CTSV: variants seen among roughly 807,000 people sequenced by gnomAD.
CTSV encodes cathepsin V.
A neutral mutation model predicts 35.6 loss-of-function variants in CTSV; 33 were observed. That is an observed-to-expected ratio of 0.93 (90% confidence interval 0.70 to 1.24). CTSV has a LOEUF of 1.24. Ranked by LOEUF, CTSV falls within the 50% of genes most tolerant of loss-of-function variation. The pLI is 0.00. For synonymous variants in CTSV, 154 were observed against 147.1 expected, an observed-to-expected ratio of 1.05 and a Z score of -0.34; for missense variants, 408 against 413.1, an observed-to-expected ratio of 0.99 and a Z score of 0.11.
chr9:97,035,679 C>G lies in CTSV; in HGVS notation c.636G>C (p.Lys212Asn). 6.5e-7 allele frequency: 1 copy of G among 1,539,748 alleles called. No homozygotes were observed. The highest frequency in any genetic ancestry group is 1.2e-5 in the South Asian group (1 of 80,524). The change falls in exon 6 of 8, where the codon AAG becomes AAC. Residue 212 changes from lysine to asparagine, a missense_variant. By Grantham distance (94) the Lys-to-Asn change is moderately conservative (BLOSUM62 0). Coordinates refer to ENST00000259470, the MANE Select transcript of CTSV (RefSeq NM_001333.4). The part of the protein sequence containing the change: ...YPYVAVDEIC[K>N]YRPENSVAND... ...TAGCAACAGAATTCTCAGGTCTGTACTTACAGATTTCATCCTTTTAAAGTT... is the reference window on the plus strand; with the variant it reads ...TAGCAACAGAATTCTCAGGTCTGTAGTTACAGATTTCATCCTTTTAAAGTT...
chr9:97,038,154 TTC>T, intron 1 of CTSV, 101 bp from the exon 2 acceptor site: 1 of 1,280,000 alleles, frequency 7.8e-7, no homozygotes, highest in Non-Finnish European at 1.1e-6. Context: ...TCCCTAGCAT[TTC>T]CCCAAGGACT....
At chr9:97,039,372 A>T, upstream of CTSV, 1 of 152,160 alleles carries the variant, frequency 6.6e-6, no homozygotes, top group Non-Finnish European at 1.5e-5. Flanking sequence ...GAGGAGGGGG[A>T]GGCGCCTCCC....
chr9:97,036,756 G>T lies in CTSV; in HGVS notation c.397-9C>A. 3 of 1,568,398 alleles carry T rather than the reference G, an allele frequency of 1.9e-6. No homozygotes were observed. Among genetic ancestry groups the T allele is most frequent in the African/African-American group, 2.8e-5 (2 of 71,908 alleles). On this transcript the variant is annotated splice_polypyrimidine_tract_variant and intron_variant, in intron 4 of 7. Transcript: ENST00000259470. ...CAAGAACCACACTGTTTCTAAAAAG[G>T]GAGAAAAAAAAAGCTGTAAATTTAC...
intron 4 of CTSV, among the ~76,000 whole-genome samples, 162 bp from the exon 5 acceptor site, chr9:97,036,909 C>T (rs780569637): frequency 2.6e-5 from 4 of 151,570 alleles, no homozygotes; most frequent in South Asian, 4.2e-4. Context: ...GTTTGAAATC[C>T]GCCTGGCCAA....
Position 97,036,565 on chromosome 9 carries a change from G to A in CTSV, c.579C>T (p.Asn193=), listed in dbSNP as rs370853106. Residue 193 remains asparagine (N), a synonymous_variant, in exon 5 of 8, where the codon AAC becomes AAT. Coordinates refer to ENST00000259470, the MANE Select transcript of CTSV (RefSeq NM_001333.4). ...MARAFQYVKE[N]GGLDSEESYP... ...AGGATTCCTCAGAGTCCAGGCCTCC[G>A]TTCTCCTTGACATACTGGAAGGCCC... 6.5e-4 allele frequency: 1,052 copies of A among 1,614,022 alleles called. 13 individuals are homozygous for A. In the South Asian group the frequency reaches 0.011, roughly 16 times the overall value.
In CTSV at chr9:97,036,667, G is replaced by A. The variant is rs1228417644; in HGVS notation, c.477C>T (p.Val159=). Residue 159 remains valine (V), a synonymous_variant, in exon 5 of 8, where the codon GTC becomes GTT. Coordinates refer to ENST00000259470, the MANE Select transcript of CTSV (RefSeq NM_001333.4). ...CCACCAGATTCTGCTCGCTCAGTGA[G>A]ACAAGTTTCCCAGTTTTCCGGAACA... The part of the protein sequence containing the change: ...GQMFRKTGKL[V]SLSEQNLVDC... 1 of 1,613,808 alleles carries A rather than the reference G, an allele frequency of 6.2e-7. No homozygotes were observed. Among genetic ancestry groups the A allele is most frequent in the African/African-American group, 1.3e-5 (1 of 74,832 alleles).
intron 4 of CTSV, among the ~76,000 whole-genome samples, 184 bp downstream of exon 4, chr9:97,037,068 T>C (rs1428513849): frequency 2.6e-5 from 4 of 152,024 alleles, no homozygotes; most frequent in Admixed American, 2.0e-4. Flanking sequence ...GATCACGCCA[T>C]TGCAATCCAG....
At position 97,031,346 on chromosome 9, in the gene CTSV, T is replaced by C. The variant is rs898306733; in HGVS notation, c.*1603A>G. On this transcript the variant is annotated 3_prime_UTR_variant, in exon 8 of 8. Transcript: ENST00000259470. Reference sequence around the variant, plus strand: ...AGTCCCACATGCCCCTTCCCTCCCATTGCATTCACAATGGATCACCTTTCG... The same window carrying C: ...AGTCCCACATGCCCCTTCCCTCCCACTGCATTCACAATGGATCACCTTTCG... The C allele has an allele frequency of 6.6e-6, 1 of 152,178 alleles. No homozygotes were observed. The highest frequency in any genetic ancestry group is 2.4e-5 in the African/African-American group (1 of 41,438). 9.4% of individuals were successfully genotyped at this position (152,178 alleles called of 1,614,324 possible).
intron 5 of CTSV, among the ~76,000 whole-genome samples, chr9:97,036,068 T>C (rs1268321074): frequency 6.7e-6 from 1 of 149,102 alleles, no homozygotes; most frequent in Admixed American, 6.7e-5. Flanking sequence ...GTGCAAAGGC[T>C]AATAATTTTT....
chr9:97,035,787 T>G, intron 5 of CTSV, 94 bp from the exon 6 acceptor site: 1 of 779,650 alleles, frequency 1.3e-6, no homozygotes, highest in Non-Finnish European at 1.8e-6. Flanking sequence ...ATTTGCAACC[T>G]AGGATTTCCA....
rs1278483630 is a variant in CTSV, at chr9:97,030,349, TCA to T, written c.*2598_*2599del. The T allele has an allele frequency of 2.0e-5, 3 of 152,180 alleles. No homozygotes were observed. The South Asian group carries it at 6.2e-4, about 32-fold the overall frequency. The allele number at this position is 152,180 out of a possible 1,614,324, so 9.4% of individuals were successfully genotyped here. ...AGCAAACTCCTCCCTCTTAATATGC[TCA>T]GTGATTTCTATCTCACCCTTCCTTA... is the stretch of plus-strand genomic sequence containing the variant. On this transcript the variant is annotated 3_prime_UTR_variant, in exon 8 of 8. Coordinates refer to ENST00000259470, the MANE Select transcript of CTSV (RefSeq NM_001333.4).
intron 6 of CTSV, 79 bp downstream of exon 6, chr9:97,035,449 G>A: frequency 8.4e-7 from 1 of 1,184,290 alleles, no homozygotes. Flanking sequence ...TTCCTGCAAA[G>A]CAGGATGTCA....
intron 7 of CTSV, among the ~76,000 whole-genome samples, chr9:97,033,946 A>G (rs1175184895): frequency 2.0e-5 from 3 of 150,734 alleles, no homozygotes; most frequent in Non-Finnish European, 4.4e-5. Context: ...ATACAAAAAA[A>G]ATTAGCTGGG....
rs187353351 is a variant in CTSV, at chr9:97,031,460, G to C, written c.*1489C>G. The C allele has an allele frequency of 2.0e-4, 30 of 152,278 alleles. No homozygotes were observed. In the East Asian group the frequency reaches 5.8e-3, roughly 29 times the overall value. 9.4% of individuals were successfully genotyped at this position (152,278 alleles called of 1,614,324 possible). On this transcript the variant is annotated 3_prime_UTR_variant, in exon 8 of 8. Coordinates refer to ENST00000259470, the MANE Select transcript of CTSV (RefSeq NM_001333.4). The stretch of plus-strand genomic sequence containing the variant: ...CACACACAGGGCTCTCCTTTAGCCT[G>C]CAGAATGTGGGTATATCTTTACTAT...
At chr9:97,036,159 C>T (rs761276772) in intron 5 of CTSV, among the ~76,000 whole-genome samples, 1 of 152,154 alleles carries the variant, frequency 6.6e-6, no homozygotes, top group East Asian at 1.9e-4. Context: ...CAAGCTCCGC[C>T]TCCCGGGTTC....
intron 1 of CTSV, among the ~76,000 whole-genome samples, chr9:97,038,767 G>A (rs535679652): frequency 9.8e-5 from 15 of 152,296 alleles, no homozygotes; most frequent in African/African-American, 3.1e-4. Flanking sequence ...CGCGCCCCGA[G>A]AATGTTTGCG....
chr9:97,039,283 A>C (rs1016988605), upstream of CTSV: 3 of 152,020 alleles, frequency 2.0e-5, no homozygotes, highest in Non-Finnish European at 4.4e-5. Flanking sequence ...CCCAGTCCCA[A>C]CCCGTCTCAG....
At position 97,032,908 on chromosome 9, in the gene CTSV, A is replaced by T. The variant is rs138007477; in HGVS notation, c.*41T>A. 6.9e-7 allele frequency: 1 copy of T among 1,452,308 alleles called. No individual in the cohort carries two copies. The highest frequency in any genetic ancestry group is 2.0e-5 in the Admixed American group (1 of 49,424). The allele number at this position is 1,452,308 out of a possible 1,614,324, so 90.0% of individuals were successfully genotyped here. ...CAGTTTCAAGATAAAATTTCCCCAG[A>T]CATGCTGTCCTTAAGTCCTTCCTCC... On this transcript the variant is annotated 3_prime_UTR_variant, in exon 8 of 8. Coordinates refer to ENST00000259470, the MANE Select transcript of CTSV (RefSeq NM_001333.4).
chr9:97,034,248 G>C (rs1469444548), intron 7 of CTSV, among the ~76,000 whole-genome samples: 1 of 152,188 alleles, frequency 6.6e-6, no homozygotes, highest in Non-Finnish European at 1.5e-5. Context: ...TGCTAATTGT[G>C]AGAAAATAGA....
Sources: gnomAD v4.1 joint callset for allele counts (sites outside exome capture counted in the v4.1 genomes callset) on GRCh38, gnomAD v4.1.1 for gene constraint, MANE v1.5 for transcripts, NCBI Gene and HGNC (gene_info 2026-07-23, HGNC 2026-07-21) for gene names.